Variants in GRHL3 observed in about 807,000 individuals in gnomAD.
GRHL3 encodes the protein grainyhead like transcription factor 3, also known as grainyhead-like protein 3 homolog.
Under a neutral mutation model 70.3 loss-of-function variants are expected in GRHL3, and 20 were observed. The ratio of observed to expected loss-of-function variants is 0.28; its 90% CI spans 0.20 to 0.41. The LOEUF is 0.41. Among genes scored for constraint, GRHL3 ranks in the 10% least tolerant of loss-of-function variants. The pLI, the probability that GRHL3 is intolerant of heterozygous loss-of-function variation, is 1.00. For missense variants in GRHL3, 637 were observed against 762.3 expected, an observed-to-expected ratio of 0.84 and a Z score of 1.94; for synonymous variants, 299 against 299.9, an observed-to-expected ratio of 1.00 and a Z score of 0.03.
intron 5 of GRHL3, chr1:24,337,411 C>A: frequency 1.7e-6 from 1 of 600,076 alleles, no homozygotes; most frequent in Non-Finnish European, 2.9e-6. Context: ...CCTCAAGGTT[C>A]TCTCTAATTT....
chr1:24,339,540 A>G (rs936261519), intron 7 of GRHL3, 128 bp from the exon 8 acceptor site: 2 of 578,682 alleles, frequency 3.5e-6, no homozygotes, highest in Non-Finnish European at 6.4e-6. Context: ...CGGCCTCCCA[A>G]AGTGCTGGGA....
rs370449439 is a variant in GRHL3 at position 24,337,058 on chromosome 1, G to A, written c.613-20G>A. On this transcript the variant is annotated intron_variant, in intron 4 of 15. Coordinates refer to ENST00000361548, the MANE Select transcript of GRHL3 (RefSeq NM_198173.3). ...AGTGAATGTGAGCATTTATTCTCTT[G>A]GGGCTGTGTTTCTCTGCAGTCGATG... is the stretch of plus-strand genomic sequence containing the variant. 1.1e-4 allele frequency: 174 copies of A among 1,610,968 alleles called. No homozygotes were observed. Among genetic ancestry groups the A allele is most frequent in the Non-Finnish European group, 1.7e-5 (20 of 1,177,374 alleles).
At chr1:24,329,850 C>T (rs1363409980) in intron 1 of GRHL3, among the ~76,000 whole-genome samples, 3 of 152,216 alleles carry the variant, frequency 2.0e-5, no homozygotes, top group East Asian at 1.9e-4. Context: ...CATCTTCATA[C>T]ACTCTTTGCT....
rs1243975441 is a variant in GRHL3 at position 24,342,787 on chromosome 1, A to C, written c.1285+15A>C. The C allele has an allele frequency of 1.2e-6, 2 of 1,614,002 alleles. No homozygotes were observed. The highest frequency in any genetic ancestry group is 1.7e-6 in the Non-Finnish European group (2 of 1,179,874). Reference sequence around the variant, plus strand: ...CAGCAACAGTGGTCAGTGGGGATCCAGGGCCTGGGTGGGCTCGGCTGGCGT... The same window carrying C: ...CAGCAACAGTGGTCAGTGGGGATCCCGGGCCTGGGTGGGCTCGGCTGGCGT... On this transcript the variant is annotated intron_variant, in intron 10 of 15. Coordinates refer to ENST00000361548, the MANE Select transcript of GRHL3 (RefSeq NM_198173.3). This position sits in a 1 kb window ranked among gnomAD's most constrained non-coding sequence, Gnocchi z 4.8.
intron 11 of GRHL3, among the ~76,000 whole-genome samples, chr1:24,344,250 C>CGGGGA (rs968716423): frequency 2.6e-5 from 4 of 152,144 alleles, no homozygotes; most frequent in African/African-American, 7.2e-5. Flanking sequence ...TCTGCTCTCT[C>CGGGGA]TAGGCCTCAG....
chr1:24,323,999 G>A (rs1430439187), intron 1 of GRHL3, among the ~76,000 whole-genome samples: 1 of 152,176 alleles, frequency 6.6e-6, no homozygotes, highest in Non-Finnish European at 1.5e-5. Flanking sequence ...CACCCAGTAC[G>A]TGGCCATTTA....
At chr1:24,349,583 T>C (rs1026850145) in intron 14 of GRHL3, among the ~76,000 whole-genome samples, 5 of 152,220 alleles carry the variant, frequency 3.3e-5, no homozygotes, top group African/African-American at 1.2e-4. Flanking sequence ...GTGGGCACTG[T>C]TCCTGTCTCC....
intron 1 of GRHL3, chr1:24,319,888 G>C: frequency 2.0e-6 from 1 of 499,578 alleles, no homozygotes; most frequent in Non-Finnish European, 3.4e-6. Context: ...GAAATCAGAC[G>C]ACCCCAATCC....
chr1:24,336,050 T>G (rs1344175235), intron 3 of GRHL3, among the ~76,000 whole-genome samples: 1 of 152,142 alleles, frequency 6.6e-6, no homozygotes, highest in Non-Finnish European at 1.5e-5. Context: ...TTCCAGATCT[T>G]TTCCTAAACA....
intron 15 of GRHL3, chr1:24,364,159 T>C: frequency 2.7e-6 from 4 of 1,484,140 alleles, no homozygotes; most frequent in Non-Finnish European, 3.6e-6. Context: ...TCGAATTCAA[T>C]TCTTGACGTT....
chr1:24,325,223 G>T (rs1639347645), intron 1 of GRHL3, among the ~76,000 whole-genome samples: 1 of 152,156 alleles, frequency 6.6e-6, no homozygotes, highest in Admixed American at 6.5e-5. Flanking sequence ...GGGAAGTGGG[G>T]TCTAGCCTGC....
Position 24,346,618 on chromosome 1 carries a change from C to G in GRHL3, c.1520C>G (p.Ala507Gly), listed in dbSNP as rs1314240381. ...EEFEPLPSKQ[A>G]KEGDLQRVLL... ...TTTGAGCCTCTGCCCTCCAAGCAGG[C>G]CAAGGAAGGCGACCTTCAGAGAGGT... The change falls in exon 13 of 16, where the codon GCC (alanine) becomes GGC (glycine). Residue 507 changes from alanine to glycine, a missense_variant. Ala to Gly is a moderately conservative substitution (Grantham distance 60). This residue lies in a region of GRHL3 where 387 missense variants were observed against 513.8 expected (regional missense o/e 0.75). Coordinates refer to ENST00000361548, the MANE Select transcript of GRHL3 (RefSeq NM_198173.3). 6.2e-7 allele frequency: 1 copy of G among 1,612,808 alleles called. No homozygotes were observed. Among genetic ancestry groups the G allele is most frequent in the East Asian group, 2.2e-5 (1 of 44,840 alleles).
At chr1:24,326,823 A>G (rs1287457413) in intron 1 of GRHL3, among the ~76,000 whole-genome samples, 1 of 152,222 alleles carries the variant, frequency 6.6e-6, no homozygotes, top group African/African-American at 2.4e-5. Context: ...GGCTTCACTC[A>G]TTCAGTACCC....
chr1:24,346,084 C>T (rs1640269578), intron 12 of GRHL3, among the ~76,000 whole-genome samples: 1 of 152,038 alleles, frequency 6.6e-6, no homozygotes, highest in African/African-American at 2.4e-5. Flanking sequence ...GGACTGGACC[C>T]CAAGCCTGTC....
At chr1:24,323,974 CT>C (rs1457384534) in intron 1 of GRHL3, among the ~76,000 whole-genome samples, 1 of 152,200 alleles carries the variant, frequency 6.6e-6, no homozygotes, top group Admixed American at 6.5e-5. Flanking sequence ...TGGCCTTCAC[CT>C]TTTTTGTCCT....
intron 15 of GRHL3, among the ~76,000 whole-genome samples, chr1:24,354,161 G>C (rs1640624383): frequency 6.6e-6 from 1 of 151,956 alleles, no homozygotes; most frequent in South Asian, 2.1e-4. Context: ...GCCTGGGTTG[G>C]GTTGTGGCTC....
chr1:24,355,693 GC>G (rs1640691404), downstream of GRHL3, among the ~76,000 whole-genome samples: 1 of 152,164 alleles, frequency 6.6e-6, no homozygotes, highest in Admixed American at 6.5e-5. Context: ...TACTCTCTAG[GC>G]CAAGCCACGT....
intron 14 of GRHL3, among the ~76,000 whole-genome samples, chr1:24,349,397 T>A (rs1640415021): frequency 6.6e-6 from 1 of 152,178 alleles, no homozygotes; most frequent in South Asian, 2.1e-4. Flanking sequence ...AATTCCGGCC[T>A]AAAAGGGGGA....
At chr1:24,353,738 A>C (rs916328233) in intron 15 of GRHL3, among the ~76,000 whole-genome samples, 7 of 152,162 alleles carry the variant, frequency 4.6e-5, no homozygotes, top group African/African-American at 1.7e-4. Flanking sequence ...TCTTTGGCAT[A>C]AACAATGGCT....
Sources: gnomAD v4.1 joint callset for allele counts (sites outside exome capture counted in the v4.1 genomes callset) on GRCh38, gnomAD v4.1.1 for gene constraint, gnomAD v4.1.1 regional missense constraint, Gnocchi (gnomAD v3.1) non-coding constraint, MANE v1.5 for transcripts, NCBI Gene and HGNC (gene_info 2026-07-23, HGNC 2026-07-21) for gene names.